The following MATCAP2 variants were observed in gnomAD, a reference collection of about 807,000 sequenced individuals.
The protein encoded by MATCAP2 is microtubule associated tyrosine carboxypeptidase 2.
the MATCAP2 span, among the ~76,000 whole-genome samples, chr7:36,331,805 T>G: frequency 6.6e-6 from 1 of 152,228 alleles, no homozygotes; most frequent in African/African-American, 2.4e-5. Flanking sequence ...AAAAAAATTT[T>G]GCTCTATTAA....
chr7:36,329,180 T>C, the MATCAP2 span, among the ~76,000 whole-genome samples: 3 of 152,204 alleles, frequency 2.0e-5, no homozygotes, highest in Admixed American at 1.3e-4. Context: ...AATAGGTTTG[T>C]TGATATTGGT....
the MATCAP2 span, among the ~76,000 whole-genome samples, chr7:36,327,935 C>A: frequency 2.0e-5 from 3 of 152,232 alleles, no homozygotes; most frequent in East Asian, 5.8e-4. Context: ...TGTATTACAT[C>A]TTCTTGCTTT....
At chr7:36,330,952 C>T in the MATCAP2 span, 34 of 1,311,542 alleles carry the variant, frequency 2.6e-5, no homozygotes, top group East Asian at 4.4e-4. Context: ...CTGGGGTGTT[C>T]GGGGACTATG....
the MATCAP2 span, chr7:36,326,715 A>G: frequency 1.3e-6 from 2 of 1,545,946 alleles, no homozygotes; most frequent in South Asian, 2.4e-5. Flanking sequence ...AACTGGTAAT[A>G]TACATGGAGG....
At chr7:36,374,106 G>A in the MATCAP2 span, among the ~76,000 whole-genome samples, 2 of 152,008 alleles carry the variant, frequency 1.3e-5, no homozygotes, top group Admixed American at 6.6e-5. Flanking sequence ...TTGAGACACA[G>A]TCTCACTCTG....
At chr7:36,384,864 G>C in the MATCAP2 span, among the ~76,000 whole-genome samples, 13,317 of 127,504 alleles carry the variant, frequency 0.1, 708 homozygotes, top group East Asian at 0.18. Flanking sequence ...ATAGTGAAAA[G>C]AAAAAAAAAA....
At chr7:36,369,110 G>C in the MATCAP2 span, among the ~76,000 whole-genome samples, 1 of 151,904 alleles carries the variant, frequency 6.6e-6, no homozygotes, top group Admixed American at 6.6e-5. Context: ...ATTTTTGTTT[G>C]TTCACTGCTA....
the MATCAP2 span, among the ~76,000 whole-genome samples, chr7:36,370,849 A>C: frequency 6.6e-6 from 1 of 152,190 alleles, no homozygotes; most frequent in East Asian, 1.9e-4. Context: ...AAGTTTTATT[A>C]AACTTAAATT....
the MATCAP2 span, chr7:36,326,735 G>C: frequency 3.8e-5 from 61 of 1,597,678 alleles, no homozygotes; most frequent in Non-Finnish European, 4.9e-5. Flanking sequence ...GCATAGCTTA[G>C]CTATGTTTGC....
chr7:36,385,011 G>T, the MATCAP2 span, among the ~76,000 whole-genome samples: 4 of 152,132 alleles, frequency 2.6e-5, no homozygotes, highest in Admixed American at 6.5e-5. Flanking sequence ...ACATAGAGCA[G>T]CTCCAAACAA....
the MATCAP2 span, among the ~76,000 whole-genome samples, chr7:36,331,984 T>C: frequency 2.0e-5 from 3 of 152,130 alleles, no homozygotes; most frequent in African/African-American, 2.4e-5. Flanking sequence ...TAAAATAGTA[T>C]AGGAAAACGA....
chr7:36,382,872 A>G, the MATCAP2 span, among the ~76,000 whole-genome samples: 2 of 152,214 alleles, frequency 1.3e-5, no homozygotes, highest in Non-Finnish European at 2.9e-5. Context: ...TACATAAAAT[A>G]ATTCTTACTC....
At chr7:36,380,730 G>A in the MATCAP2 span, among the ~76,000 whole-genome samples, 1 of 152,238 alleles carries the variant, frequency 6.6e-6, no homozygotes, top group Non-Finnish European at 1.5e-5. Context: ...TTCTCTGACT[G>A]CTCTAAGGTT....
the MATCAP2 span, among the ~76,000 whole-genome samples, chr7:36,333,593 CAAT>C: frequency 6.6e-6 from 1 of 151,748 alleles, no homozygotes; most frequent in Non-Finnish European, 1.5e-5. Flanking sequence ...GAAATGTTAA[CAAT>C]AAGTGAATCC....
chr7:36,369,652 A>G, the MATCAP2 span, among the ~76,000 whole-genome samples: 1 of 152,318 alleles, frequency 6.6e-6, no homozygotes, highest in African/African-American at 2.4e-5. Flanking sequence ...TTCCACAGGT[A>G]TTTATTTATA....
chr7:36,364,675 G>A, the MATCAP2 span, among the ~76,000 whole-genome samples: 1 of 152,114 alleles, frequency 6.6e-6, no homozygotes, highest in Non-Finnish European at 1.5e-5. Flanking sequence ...GGCCATCTCA[G>A]ATATCAATGA....
the MATCAP2 span, chr7:36,366,852 C>A: frequency 8.6e-6 from 13 of 1,504,316 alleles, no homozygotes; most frequent in African/African-American, 1.4e-5. Flanking sequence ...TTACCTGAGC[C>A]CCGGGCGGCG....
chr7:36,351,298 A>G, the MATCAP2 span, among the ~76,000 whole-genome samples: 4 of 152,182 alleles, frequency 2.6e-5, no homozygotes, highest in Non-Finnish European at 5.9e-5. Flanking sequence ...CGGGAGGCTG[A>G]GGCAGGAGAA....
At chr7:36,373,463 C>T in the MATCAP2 span, among the ~76,000 whole-genome samples, 1 of 151,962 alleles carries the variant, frequency 6.6e-6, no homozygotes, top group Non-Finnish European at 1.5e-5. Context: ...AATTGCAAAG[C>T]CAAAAGGCCT....
Sources: allele counts gnomAD v4.1 joint callset (sites outside exome capture counted in the v4.1 genomes callset), GRCh38; gene constraint gnomAD v4.1.1; transcripts MANE v1.5; gene names NCBI Gene and HGNC (gene_info 2026-07-23, HGNC 2026-07-21).